Variants in NEDD4L observed in about 807,000 individuals in gnomAD.
NEDD4L encodes the protein NEDD4 like E3 ubiquitin protein ligase, also known as E3 ubiquitin-protein ligase NEDD4-like.
Under a neutral mutation model 148.9 loss-of-function variants are expected in NEDD4L, and 54 were observed. The observed-to-expected ratio is 0.36, with a 90% CI of 0.29 to 0.45. NEDD4L has a LOEUF of 0.45. NEDD4L is among the 20% of genes least tolerant of loss of function. The probability of loss-of-function intolerance (pLI) is 1.00; values close to 1 mark genes in which losing one functional copy is unlikely to be tolerated. For missense variants in NEDD4L, 856 were observed against 1,233.8 expected (o/e 0.69, Z 4.59); for synonymous variants, 433 against 440.7 (o/e 0.98, Z 0.22).
chr18:58,146,966 G>A (rs2146236688), intron 1 of NEDD4L, among the ~76,000 whole-genome samples: 1 of 152,308 alleles, frequency 6.6e-6, no homozygotes, highest in South Asian at 2.1e-4. Flanking sequence ...GGACACGTGG[G>A]TAAGGGTGGG....
intron 2 of NEDD4L, among the ~76,000 whole-genome samples, chr18:58,194,867 T>C (rs2040489930): frequency 6.6e-6 from 1 of 152,168 alleles, no homozygotes; most frequent in African/African-American, 2.4e-5. Context: ...AAAAGCACAT[T>C]GATTGCAGGA....
intron 12 of NEDD4L, 31 bp from the exon 13 acceptor site, chr18:58,335,447 G>A (rs1198922700): frequency 2.5e-6 from 4 of 1,591,400 alleles, no homozygotes; most frequent in South Asian, 1.1e-5. Context: ...TCCCCTAAGT[G>A]CATTTCACTG....
chr18:58,104,300 A>G (rs770109457), intron 1 of NEDD4L, among the ~76,000 whole-genome samples: 7 of 152,214 alleles, frequency 4.6e-5, no homozygotes, highest in Non-Finnish European at 8.8e-5. Context: ...GGTTTCTAAG[A>G]TCACAGCAAG....
chr18:58,082,353 G>C (rs1454321199), intron 1 of NEDD4L, among the ~76,000 whole-genome samples: 10 of 147,670 alleles, frequency 6.8e-5, no homozygotes, highest in South Asian at 6.5e-4. Context: ...TGATCCACCC[G>C]CCTCTGCCTC....
rs1261900914 is a variant in NEDD4L at position 58,397,845 on chromosome 18, C to T, written c.*1576C>T. ...TAACCTGTGTTGTCCTAGACCCTGT[C>T]GGGGCAGTCAGGGGACACTAGAGAT... On this transcript the variant is annotated 3_prime_UTR_variant, in exon 31 of 31. Transcript: ENST00000400345. The T allele has an allele frequency of 2.6e-5, 4 of 152,526 alleles. No individual in the cohort carries two copies. The highest frequency in any genetic ancestry group is 4.4e-5 in the Non-Finnish European group (3 of 68,036). 9.4% of individuals were successfully genotyped at this position (152,526 alleles called of 1,614,324 possible). A position where few individuals can be genotyped will look rare whatever the true frequency, so the allele number is the denominator to read the frequency against.
chr18:58,215,977 A>T (rs971356770), intron 2 of NEDD4L, among the ~76,000 whole-genome samples: 1 of 152,024 alleles, frequency 6.6e-6, no homozygotes, highest in Admixed American at 6.6e-5. Context: ...TGTGCAAAAC[A>T]AGAATTTTTT....
At chr18:58,084,954 C>A (rs2083679552) in intron 1 of NEDD4L, among the ~76,000 whole-genome samples, 1 of 151,836 alleles carries the variant, frequency 6.6e-6, no homozygotes, top group East Asian at 1.9e-4. Flanking sequence ...CTCAGCCCCC[C>A]AACATGCTAG....
At chr18:58,386,036 C>CTTGATTGA (rs74183251) in intron 26 of NEDD4L, among the ~76,000 whole-genome samples, 1,735 of 150,488 alleles carry the variant, frequency 0.012, 33 homozygotes, top group African/African-American at 0.039. Flanking sequence ...GCTGCCTGGG[C>CTTGATTGA]TTGATTGATT....
At chr18:58,179,261 C>G (rs2038546124) in intron 2 of NEDD4L, among the ~76,000 whole-genome samples, 1 of 152,182 alleles carries the variant, frequency 6.6e-6, no homozygotes, top group Non-Finnish European at 1.5e-5. Context: ...ACTTCACCCA[C>G]TAGTGGGGCC....
intron 25 of NEDD4L, among the ~76,000 whole-genome samples, chr18:58,385,005 C>A (rs1310808284): frequency 6.6e-6 from 1 of 152,206 alleles, no homozygotes; most frequent in African/African-American, 2.4e-5. Context: ...GAGTGCAAAT[C>A]ATTTTGCTGA....
At chr18:58,365,969 AT>A (rs1568861789) in intron 20 of NEDD4L, 29 bp from the exon 21 acceptor site, 1 of 1,476,096 alleles carries the variant, frequency 6.8e-7, no homozygotes, top group Non-Finnish European at 9.3e-7. Context: ...TTACTGTATG[AT>A]TATGTGTTTT....
At chr18:58,100,367 G>T (rs941095896) in intron 1 of NEDD4L, among the ~76,000 whole-genome samples, 6 of 152,206 alleles carry the variant, frequency 3.9e-5, no homozygotes, top group African/African-American at 1.4e-4. Flanking sequence ...TAATTTACTT[G>T]CCACCTGCTT....
At chr18:58,293,462 A>G (rs1303280385) in intron 5 of NEDD4L, among the ~76,000 whole-genome samples, 1 of 152,230 alleles carries the variant, frequency 6.6e-6, no homozygotes, top group Non-Finnish European at 1.5e-5. Flanking sequence ...GATAATTACC[A>G]TATGTTTCAA....
chr18:58,324,558 C>G (rs2059139429), intron 8 of NEDD4L, among the ~76,000 whole-genome samples: 1 of 152,262 alleles, frequency 6.6e-6, no homozygotes, highest in Non-Finnish European at 1.5e-5. Flanking sequence ...AGCTCATCTT[C>G]CCTGCTCCCT....
At chr18:58,201,585 T>G (rs2041412616) in intron 2 of NEDD4L, among the ~76,000 whole-genome samples, 1 of 152,186 alleles carries the variant, frequency 6.6e-6, no homozygotes, top group African/African-American at 2.4e-5. Flanking sequence ...TGAAATAATG[T>G]TTCTCTATAT....
At chr18:58,099,392 T>C (rs1656758856) in intron 1 of NEDD4L, among the ~76,000 whole-genome samples, 1 of 152,214 alleles carries the variant, frequency 6.6e-6, no homozygotes, top group Admixed American at 6.5e-5. Flanking sequence ...ATTTGGCAAA[T>C]GTTTGTTGAA....
At chr18:58,094,254 A>C (rs1049981382) in intron 1 of NEDD4L, among the ~76,000 whole-genome samples, 4 of 150,590 alleles carry the variant, frequency 2.7e-5, no homozygotes, top group Non-Finnish European at 1.5e-5. Flanking sequence ...GCGCGATCAT[A>C]GCTTATTGCA....
chr18:58,309,319 C>T (rs1326309037), intron 5 of NEDD4L, among the ~76,000 whole-genome samples: 2 of 152,192 alleles, frequency 1.3e-5, no homozygotes, highest in African/African-American at 4.8e-5. Context: ...CCTCAGGACC[C>T]TGCTTGAAGT....
At chr18:58,355,803 T>C (rs75317350) in intron 18 of NEDD4L, among the ~76,000 whole-genome samples, 1 of 103,182 alleles carries the variant, frequency 9.7e-6, no homozygotes, top group East Asian at 2.4e-4. Context: ...CTTTGGTAGC[T>C]TTTTTTTTTT....
Sources: gnomAD v4.1 joint callset for allele counts (sites outside exome capture counted in the v4.1 genomes callset) on GRCh38, gnomAD v4.1.1 for gene constraint, MANE v1.5 for transcripts, NCBI Gene and HGNC (gene_info 2026-07-23, HGNC 2026-07-21) for gene names.